GALNT14: variants seen among roughly 807,000 people sequenced by gnomAD.
GALNT14 encodes polypeptide N-acetylgalactosaminyltransferase 14, also known as UDP-GalNAc:polypeptide N-acetylgalactosaminyltransferase 14.
GALNT14 carries 60 observed loss-of-function variants against 77.5 expected under a neutral mutation model. That is an observed-to-expected ratio of 0.77 (90% CI 0.63 to 0.96). GALNT14 has a LOEUF of 0.96. Among genes scored for constraint, GALNT14 ranks in the 40% least tolerant of loss-of-function variants. The pLI is 0.00. For synonymous variants in GALNT14, 280 were observed against 281.7 expected, an observed-to-expected ratio of 0.99 and a Z score of 0.06; for missense variants, 710 against 731.0, an observed-to-expected ratio of 0.97 and a Z score of 0.33.
At chr2:30,999,099 T>A (rs1670207055) in intron 1 of GALNT14, among the ~76,000 whole-genome samples, 2 of 152,210 alleles carry the variant, frequency 1.3e-5, no homozygotes, top group South Asian at 4.1e-4. Context: ...CAGGTTAACG[T>A]AGAAGAAGGT....
At chr2:31,047,189 G>T (rs980648705) in intron 1 of GALNT14, among the ~76,000 whole-genome samples, 2 of 152,148 alleles carry the variant, frequency 1.3e-5, no homozygotes, top group African/African-American at 4.8e-5. Context: ...GTTGAGAACA[G>T]GGGCTCCAGG....
intron 1 of GALNT14, among the ~76,000 whole-genome samples, chr2:31,121,534 G>A (rs1678413940): frequency 6.6e-6 from 1 of 152,180 alleles, no homozygotes. Context: ...TCTGGTTTTA[G>A]AACAAAAATA....
chr2:31,135,943 A>G (rs1413686124), intron 1 of GALNT14, among the ~76,000 whole-genome samples: 1 of 152,240 alleles, frequency 6.6e-6, no homozygotes, highest in Non-Finnish European at 1.5e-5. Context: ...GCACAAAGAA[A>G]GAAACAGGTC....
chr2:31,036,885 C>T (rs1289474747), intron 1 of GALNT14, among the ~76,000 whole-genome samples: 2 of 152,160 alleles, frequency 1.3e-5, no homozygotes, highest in Non-Finnish European at 2.9e-5. Context: ...CTGAGAATCC[C>T]TTACAAATCT....
chr2:31,038,082 A>ATTTTTTTTTTTTTTTTT (rs1558514558), intron 1 of GALNT14, among the ~76,000 whole-genome samples: 1 of 70,174 alleles, frequency 1.4e-5, no homozygotes, highest in Non-Finnish European at 2.6e-5. Context: ...ATATATATAT[A>ATTTTTTTTTTTTTTTTT]TATTTTTTTT....
At chr2:31,118,929 G>A (rs72795222) in intron 1 of GALNT14, among the ~76,000 whole-genome samples, 229 of 152,230 alleles carry the variant, frequency 1.5e-3, no homozygotes, top group Non-Finnish European at 2.5e-3. Flanking sequence ...CAATATTTAT[G>A]GGAAATTATA....
intron 2 of GALNT14, among the ~76,000 whole-genome samples, chr2:30,972,335 G>A (rs906807619): frequency 6.6e-6 from 1 of 152,184 alleles, no homozygotes; most frequent in Non-Finnish European, 1.5e-5. Context: ...ACAATGAAAT[G>A]GAAATCAAAC....
chr2:30,939,136 T>C (rs1214772700), intron 9 of GALNT14, among the ~76,000 whole-genome samples: 1 of 152,182 alleles, frequency 6.6e-6, no homozygotes, highest in Non-Finnish European at 1.5e-5. Context: ...TGATCTTGCC[T>C]GTAAGGAGCC....
chr2:30,912,943 T>G (rs1338071355), intron 13 of GALNT14, among the ~76,000 whole-genome samples: 1 of 152,076 alleles, frequency 6.6e-6, no homozygotes. Context: ...TCAAATTATT[T>G]CAGGAGGGTG....
At chr2:31,027,725 C>A (rs548924892) in intron 1 of GALNT14, among the ~76,000 whole-genome samples, 46 of 152,194 alleles carry the variant, frequency 3.0e-4, no homozygotes, top group South Asian at 6.2e-4. Flanking sequence ...ATGTCCCCAC[C>A]CTGTATGGTG....
At chr2:31,020,150 C>G (rs1671625022) in intron 1 of GALNT14, among the ~76,000 whole-genome samples, 1 of 152,262 alleles carries the variant, frequency 6.6e-6, no homozygotes, top group Non-Finnish European at 1.5e-5. Flanking sequence ...CTTGGGAACA[C>G]ACGTCAGAGA....
At chr2:30,915,803 AG>A (rs1202546399) in intron 13 of GALNT14, among the ~76,000 whole-genome samples, 1 of 152,224 alleles carries the variant, frequency 6.6e-6, no homozygotes, top group Non-Finnish European at 1.5e-5. Context: ...GACAACTTTC[AG>A]CCCTGACTGA....
rs138858567 is a variant in GALNT14, at chr2:30,955,975, C to T, written c.469G>A (p.Asp157Asn). 2.2e-3 allele frequency: 3,555 copies of T among 1,614,198 alleles called. 11 individuals carry two copies. The highest frequency in any genetic ancestry group is 3.5e-3 in the Admixed American group (211 of 60,034). ...ILVDDFSNDPDDCKQLIKLPK... is the reference protein window; with the variant it reads ...ILVDDFSNDPNDCKQLIKLPK... The stretch of plus-strand genomic sequence containing the variant: ...AACTTGATGAGCTGTTTACAGTCAT[C>T]AGCTGCAAAGACAAAAGGTTAAGCC... The change falls in exon 5 of 15, where the codon GAT becomes AAT. Residue 157 changes from aspartate to asparagine, a missense_variant and splice_region_variant. Asp to Asn is a conservative substitution (Grantham distance 23, BLOSUM62 1). Coordinates refer to ENST00000349752, the MANE Select transcript of GALNT14 (RefSeq NM_024572.4).
intron 9 of GALNT14, among the ~76,000 whole-genome samples, chr2:30,938,263 T>C (rs1345891280): frequency 1.3e-5 from 2 of 151,610 alleles, no homozygotes; most frequent in East Asian, 3.9e-4. Context: ...GGGCTCCTTT[T>C]TGGAAATATG....
chr2:31,059,516 C>T (rs906787391), intron 1 of GALNT14, among the ~76,000 whole-genome samples: 1 of 152,022 alleles, frequency 6.6e-6, no homozygotes, highest in African/African-American at 2.4e-5. Flanking sequence ...GGGGGAGGAA[C>T]CTTATGAATG....
At chr2:30,948,618 T>C (rs1666844564) in intron 6 of GALNT14, among the ~76,000 whole-genome samples, 1 of 152,214 alleles carries the variant, frequency 6.6e-6, no homozygotes, top group Non-Finnish European at 1.5e-5. Context: ...GTAAGTGGTA[T>C]CTGTACAACC....
intron 6 of GALNT14, among the ~76,000 whole-genome samples, chr2:30,954,377 T>C (rs1221033557): frequency 1.3e-5 from 2 of 152,226 alleles, no homozygotes; most frequent in Non-Finnish European, 2.9e-5. Context: ...TTTTTGTTTT[T>C]GAGACAGAAT....
intron 1 of GALNT14, among the ~76,000 whole-genome samples, chr2:30,995,355 G>A (rs916870327): frequency 6.6e-6 from 1 of 152,080 alleles, no homozygotes; most frequent in African/African-American, 2.4e-5. Context: ...ACAGTATTCG[G>A]TGTAGGAACA....
At position 30,910,803 on chromosome 2, in the gene GALNT14, G is replaced by A. The variant is rs2148192607; in HGVS notation, c.*98C>T. On this transcript the variant is annotated 3_prime_UTR_variant, in exon 15 of 15. Transcript: ENST00000349752. ...CTGCCTCCACCTCCCAGTCCAGGAT[G>A]TCTGAGGTGGTTGCAGGCTGCTTGC... is the stretch of plus-strand genomic sequence containing the variant. The A allele has an allele frequency of 7.5e-7, 1 of 1,335,082 alleles. No homozygotes were observed. Among genetic ancestry groups the A allele is most frequent in the Non-Finnish European group, 1.0e-6 (1 of 965,330 alleles). The allele number at this position is 1,335,082 out of a possible 1,614,324, so 82.7% of individuals were successfully genotyped here.
Sources: gnomAD v4.1 joint callset for allele counts (sites outside exome capture counted in the v4.1 genomes callset) on GRCh38, gnomAD v4.1.1 for gene constraint, MANE v1.5 for transcripts, NCBI Gene and HGNC (gene_info 2026-07-23, HGNC 2026-07-21) for gene names.